The following NBAS variants were observed in gnomAD, a reference collection of about 807,000 sequenced individuals.
NBAS encodes the protein NAG/BC035112 fusion.
NBAS carries 219 observed loss-of-function variants against 302.5 expected under a neutral mutation model. The observed-to-expected ratio is 0.72, with a 90% CI of 0.65 to 0.81. The LOEUF is 0.81. NBAS is among the 30% of genes least tolerant of loss of function. The pLI is 0.00. For missense variants in NBAS, 2,932 were observed against 2,841.6 expected (o/e 1.03, Z -0.72); for synonymous variants, 1,118 against 1,021.6 (o/e 1.09, Z -1.80).
At chr2:14,973,747 T>A in the NBAS span, among the ~76,000 whole-genome samples, 1 of 152,206 alleles carries the variant, frequency 6.6e-6, no homozygotes, top group Non-Finnish European at 1.5e-5. Flanking sequence ...TGTACATAAG[T>A]TATTTACGAT....
chr2:15,315,342 T>C (rs1671459948), intron 38 of NBAS, among the ~76,000 whole-genome samples: 1 of 151,712 alleles, frequency 6.6e-6, no homozygotes, highest in Non-Finnish European at 1.5e-5. Flanking sequence ...TACACAGGAG[T>C]GTACGGGAGT....
the NBAS span, among the ~76,000 whole-genome samples, chr2:14,865,986 G>A: frequency 2.0e-5 from 3 of 152,016 alleles, no homozygotes; most frequent in East Asian, 3.9e-4. Context: ...AGAAGAAATT[G>A]TTTCCCTGGT....
the NBAS span, among the ~76,000 whole-genome samples, chr2:15,111,927 A>G: frequency 6.7e-3 from 990 of 147,730 alleles, 11 homozygotes; most frequent in African/African-American, 0.023. Context: ...ATATTAATAT[A>G]TTAATTCTAC....
At chr2:14,936,785 T>C in the NBAS span, among the ~76,000 whole-genome samples, 69 of 152,294 alleles carry the variant, frequency 4.5e-4, no homozygotes, top group Middle Eastern at 3.4e-3. Context: ...AAACCTGCCA[T>C]GCAGTAGGCT....
chr2:14,792,699 C>T, the NBAS span, among the ~76,000 whole-genome samples: 1 of 151,568 alleles, frequency 6.6e-6, no homozygotes, highest in Non-Finnish European at 1.5e-5. Context: ...GTAAATAGGA[C>T]CTAGAGTCCC....
the NBAS span, among the ~76,000 whole-genome samples, chr2:14,871,228 GA>G: frequency 2.2e-4 from 31 of 142,926 alleles, no homozygotes; most frequent in South Asian, 4.5e-4. Flanking sequence ...TGAGGGAAGA[GA>G]AAAAAAAAAT....
At chr2:15,032,545 A>G in the NBAS span, among the ~76,000 whole-genome samples, 12 of 152,264 alleles carry the variant, frequency 7.9e-5, no homozygotes, top group African/African-American at 2.9e-4. Context: ...CATAGCTTGT[A>G]GTAAAATACA....
the NBAS span, among the ~76,000 whole-genome samples, chr2:14,980,220 C>G: frequency 6.6e-6 from 1 of 151,976 alleles, no homozygotes. Flanking sequence ...CTGGTCAGGC[C>G]CCCAGCTGCC....
intron 10 of NBAS, among the ~76,000 whole-genome samples, chr2:15,508,295 C>T (rs1362445515): frequency 1.3e-5 from 2 of 152,178 alleles, no homozygotes; most frequent in Non-Finnish European, 2.9e-5. Context: ...CAGGACCATA[C>T]ATAGCAGAGT....
At chr2:15,273,301 A>C (rs1669413776) in intron 44 of NBAS, among the ~76,000 whole-genome samples, 2 of 152,168 alleles carry the variant, frequency 1.3e-5, no homozygotes, top group African/African-American at 4.8e-5. Flanking sequence ...ATATACAACC[A>C]GGTTCCTGCC....
chr2:15,227,124 T>C (rs1307098152), intron 47 of NBAS, among the ~76,000 whole-genome samples: 1 of 152,210 alleles, frequency 6.6e-6, no homozygotes, highest in Non-Finnish European at 1.5e-5. Flanking sequence ...TTGAATTTTA[T>C]GGAATGCTTT....
chr2:14,827,878 A>G, the NBAS span, among the ~76,000 whole-genome samples: 1 of 152,204 alleles, frequency 6.6e-6, no homozygotes, highest in Non-Finnish European at 1.5e-5. Context: ...CTGCTGTGCA[A>G]CACTGTGCCT....
chr2:14,825,169 G>C, the NBAS span, among the ~76,000 whole-genome samples: 1 of 152,274 alleles, frequency 6.6e-6, no homozygotes, highest in Non-Finnish European at 1.5e-5. Flanking sequence ...CTGAGATCCA[G>C]CTACTGAACA....
the NBAS span, among the ~76,000 whole-genome samples, chr2:14,870,213 A>G: frequency 6.6e-6 from 1 of 152,300 alleles, no homozygotes; most frequent in African/African-American, 2.4e-5. Context: ...TTACTGGCAG[A>G]GCCAGCTTAG....
chr2:15,527,602 G>T (rs538958489), intron 9 of NBAS, among the ~76,000 whole-genome samples: 1 of 152,126 alleles, frequency 6.6e-6, no homozygotes, highest in Non-Finnish European at 1.5e-5. Context: ...GGCCTTAAAC[G>T]CACTCATGAG....
the NBAS span, among the ~76,000 whole-genome samples, chr2:14,944,171 G>C: frequency 1.3e-5 from 2 of 152,098 alleles, no homozygotes; most frequent in Non-Finnish European, 2.9e-5. Context: ...ATGGTGGCGG[G>C]CGCCTGTAGT....
intron 48 of NBAS, among the ~76,000 whole-genome samples, chr2:15,215,521 C>A (rs1666612271): frequency 6.6e-6 from 1 of 152,200 alleles, no homozygotes; most frequent in Non-Finnish European, 1.5e-5. Context: ...ATTGCAATAT[C>A]ATTATCTATT....
intron 11 of NBAS, among the ~76,000 whole-genome samples, chr2:15,492,390 G>T (rs532185302): frequency 8.7e-4 from 133 of 152,278 alleles, no homozygotes; most frequent in Middle Eastern, 3.4e-3. Flanking sequence ...AAGACACTTA[G>T]GTTATGTTGG....
chr2:15,469,494 C>A (rs1045420201), intron 16 of NBAS, among the ~76,000 whole-genome samples: 1 of 152,078 alleles, frequency 6.6e-6, no homozygotes, highest in African/African-American at 2.4e-5. Context: ...TGGGCATATA[C>A]CCAAAGGATT....
Sources: allele counts gnomAD v4.1 joint callset (sites outside exome capture counted in the v4.1 genomes callset), GRCh38; gene constraint gnomAD v4.1.1; transcripts MANE v1.5; gene names NCBI Gene and HGNC (gene_info 2026-07-23, HGNC 2026-07-21).